HYDIN: variants seen among roughly 807,000 people sequenced by gnomAD.
HYDIN encodes the protein HYDIN axonemal central pair apparatus protein, also known as axonemal central pair apparatus protein HYDIN.
A neutral mutation model predicts 403.9 loss-of-function variants in HYDIN; 132 were observed. The observed-to-expected ratio is 0.33, with a 90% confidence interval of 0.28 to 0.38. The LOEUF is 0.38. Ranked by LOEUF, HYDIN falls within the 10% of genes least tolerant of loss-of-function variation. The pLI, the probability that HYDIN is intolerant of heterozygous loss-of-function variation, is 1.00. For synonymous variants in HYDIN, 1,202 were observed against 1,891.7 expected (o/e 0.64, Z 9.46); for missense variants, 2,827 against 5,009.5 (o/e 0.56, Z 13.15).
At position 71,123,520 on chromosome 16, in the gene HYDIN, T is replaced by C. The variant is rs4502222; in HGVS notation, c.1227+6120A>G. On this transcript the variant is annotated intron_variant, in intron 9 of 85. Coordinates refer to ENST00000393567, the MANE Select transcript of HYDIN (RefSeq NM_001270974.2). The stretch of plus-strand genomic sequence containing the variant: ...AACAATGATAACACATCCCATGCTT[T>C]AATGACTAGAAAAACAATTCTTCGG... 0.015 allele frequency among the ~76,000 whole-genome samples: 2,152 copies of C among 144,800 alleles called. 121 individuals carry two copies. The East Asian group carries it at 0.16, about 11-fold the overall frequency. 95.0% of individuals were successfully genotyped at this position (144,800 alleles called of 152,430 possible). A position where few individuals can be genotyped will look rare whatever the true frequency, so the allele number is the denominator to read the frequency against.
At chr16:70,996,700 C>T (rs990661610) in intron 23 of HYDIN, among the ~76,000 whole-genome samples, 4 of 151,362 alleles carry the variant, frequency 2.6e-5, no homozygotes, top group African/African-American at 4.9e-5. Context: ...TTCTTGGATG[C>T]ATACAGAAGT....
intron 7 of HYDIN, among the ~76,000 whole-genome samples, chr16:71,141,861 G>C (rs201859030): frequency 6.6e-6 from 1 of 152,030 alleles, no homozygotes; most frequent in Non-Finnish European, 1.5e-5. Context: ...GACACTGTAC[G>C]AAGCTGCTCA....
intron 18 of HYDIN, among the ~76,000 whole-genome samples, chr16:71,033,602 G>A (rs1452384587): frequency 6.6e-6 from 1 of 151,614 alleles, no homozygotes; most frequent in Non-Finnish European, 1.5e-5. Flanking sequence ...ACACAGGGAG[G>A]GGAACATCAC....
intron 83 of HYDIN, among the ~76,000 whole-genome samples, chr16:70,820,187 C>A (rs868152261): frequency 2.2e-5 from 2 of 91,844 alleles, no homozygotes; most frequent in Admixed American, 1.3e-4. Context: ...TTTCTTTTTT[C>A]TTTTTTTTTT....
intron 45 of HYDIN, among the ~76,000 whole-genome samples, chr16:70,921,796 T>C (rs573107510): frequency 8.9e-4 from 136 of 152,374 alleles, no homozygotes; most frequent in African/African-American, 3.0e-3. Flanking sequence ...ACAATGGATA[T>C]TGATGGGAAC....
At chr16:71,212,673 C>A (rs4788783) in intron 1 of HYDIN, among the ~76,000 whole-genome samples, 1 of 151,574 alleles carries the variant, frequency 6.6e-6, no homozygotes, top group Non-Finnish European at 1.5e-5. Flanking sequence ...GACAAAAAGA[C>A]AAAAAAAGTA....
At chr16:71,158,576 A>G (rs1338118404) in intron 6 of HYDIN, among the ~76,000 whole-genome samples, 1 of 142,756 alleles carries the variant, frequency 7.0e-6, no homozygotes, top group East Asian at 2.0e-4. Context: ...CACCTTAGGT[A>G]GATTCTTTTT....
chr16:71,175,528 T>C (rs1361135514), intron 5 of HYDIN, 79 bp downstream of exon 5: 1 of 1,249,048 alleles, frequency 8.0e-7, no homozygotes, highest in African/African-American at 1.5e-5. Flanking sequence ...CCACCAGCAC[T>C]ACCGCCTCTG....
At chr16:70,905,800 G>A (rs1388052779) in intron 50 of HYDIN, among the ~76,000 whole-genome samples, 1 of 151,674 alleles carries the variant, frequency 6.6e-6, no homozygotes, top group African/African-American at 2.4e-5. Context: ...GTGCCTCTTT[G>A]AACAACCATC....
intron 10 of HYDIN, among the ~76,000 whole-genome samples, chr16:71,111,714 A>G (rs1465040175): frequency 1.3e-5 from 2 of 152,054 alleles, no homozygotes; most frequent in African/African-American, 2.4e-5. Flanking sequence ...ATTCATGAAC[A>G]TCAGTATTTC....
chr16:70,961,051 C>T lies in HYDIN; in HGVS notation c.5968+908G>A, dbSNP rs559137720. Among the ~76,000 whole-genome samples the T allele has an allele frequency of 1.0e-3, 157 of 152,256 alleles. 2 individuals are homozygous for T. In the Middle Eastern group the frequency reaches 0.017, roughly 16 times the overall value. On this transcript the variant is annotated intron_variant, in intron 38 of 85. Transcript: ENST00000393567. ...CCACTGTATGGCTTTGTCACAATTTCACTAGTTCCCTACTAATGGGCATTT... is the reference window on the plus strand; with the variant it reads ...CCACTGTATGGCTTTGTCACAATTTTACTAGTTCCCTACTAATGGGCATTT...
At chr16:71,023,012 A>G (rs1439271755) in intron 21 of HYDIN, among the ~76,000 whole-genome samples, 1 of 151,974 alleles carries the variant, frequency 6.6e-6, no homozygotes, top group Non-Finnish European at 1.5e-5. Flanking sequence ...TTTAACATAT[A>G]TTACGTCTTG....
rs1056022726 is a variant in HYDIN, at chr16:70,803,333, T to C, written c.*4247A>G. Among the ~76,000 whole-genome samples, 7 of 152,198 alleles carry C rather than the reference T, an allele frequency of 4.6e-5. No individual in the cohort carries two copies. The highest frequency in any genetic ancestry group is 1.4e-4 in the African/African-American group (6 of 41,452). ...TTGAAAAATGCCAACTAGGTAAGATTATTTATGCATAATTGAGCTAGCAGT... is the reference window on the plus strand; with the variant it reads ...TTGAAAAATGCCAACTAGGTAAGATCATTTATGCATAATTGAGCTAGCAGT... On this transcript the variant is annotated 3_prime_UTR_variant, in exon 86 of 86. Coordinates refer to ENST00000393567, the MANE Select transcript of HYDIN (RefSeq NM_001270974.2).
At chr16:70,866,355 A>G (rs2039752103) in intron 66 of HYDIN, 26 bp from the exon 67 acceptor site, 3 of 767,508 alleles carry the variant, frequency 3.9e-6, no homozygotes, top group Admixed American at 2.6e-5. Context: ...CTGTGTCCTC[A>G]GAGATGCAGA....
At chr16:71,219,197 A>C (rs1357948336) in intron 1 of HYDIN, among the ~76,000 whole-genome samples, 1 of 152,196 alleles carries the variant, frequency 6.6e-6, no homozygotes, top group Non-Finnish European at 1.5e-5. Context: ...TCATAATAGC[A>C]GTTTAAAGAA....
At position 70,999,186 on chromosome 16, in the gene HYDIN, G is replaced by A. The variant is rs1465816252; in HGVS notation, c.3645-6976C>T. 2.6e-5 allele frequency among the ~76,000 whole-genome samples: 4 copies of A among 152,310 alleles called. No individual in the cohort carries two copies. In the South Asian group the frequency reaches 8.3e-4, roughly 32 times the overall value. On this transcript the variant is annotated intron_variant, in intron 23 of 85. Coordinates refer to ENST00000393567, the MANE Select transcript of HYDIN (RefSeq NM_001270974.2). Reference sequence around the variant, plus strand: ...GTTCTCAGTGTTGGCTGGCCATTGGGATCCTTCATGGACCTTAAGAAAGAC... The same window carrying A: ...GTTCTCAGTGTTGGCTGGCCATTGGAATCCTTCATGGACCTTAAGAAAGAC...
In HYDIN at chr16:70,894,394, A is replaced by G. The variant is rs528485757; in HGVS notation, c.9248+55T>C. 79 of 1,609,898 alleles carry G rather than the reference A, an allele frequency of 4.9e-5. 2 individuals carry two copies. In the South Asian group the frequency reaches 8.4e-4, roughly 17 times the overall value. On this transcript the variant is annotated intron_variant, in intron 55 of 85. Coordinates refer to ENST00000393567, the MANE Select transcript of HYDIN (RefSeq NM_001270974.2). The stretch of plus-strand genomic sequence containing the variant: ...CCTGAACACGATCTCATATTTCCCC[A>G]CATTCCTCCCCACGGCGGACTTGAT...
chr16:71,226,873 T>C (rs1162035737), intron 1 of HYDIN, among the ~76,000 whole-genome samples: 2 of 152,170 alleles, frequency 1.3e-5, no homozygotes, highest in African/African-American at 4.8e-5. Context: ...CTTTCCCTGG[T>C]ATTTAAATCT....
intron 6 of HYDIN, among the ~76,000 whole-genome samples, chr16:71,159,668 A>C (rs992978129): frequency 1.5e-5 from 2 of 133,812 alleles, no homozygotes; most frequent in Non-Finnish European, 3.2e-5. Context: ...GCCCAAGAAA[A>C]AGAGACAATT....
Sources: allele counts gnomAD v4.1 joint callset (sites outside exome capture counted in the v4.1 genomes callset), GRCh38; gene constraint gnomAD v4.1.1; transcripts MANE v1.5; gene names NCBI Gene and HGNC (gene_info 2026-07-23, HGNC 2026-07-21).